Variants in ADCY9 observed in about 807,000 individuals in gnomAD.
ADCY9 encodes the protein adenylate cyclase type 9.
In ADCY9, 50 loss-of-function variants were observed where a neutral mutation model predicts 101.5. The ratio of observed to expected loss-of-function variants is 0.49; its 90% CI spans 0.39 to 0.62. ADCY9 has a LOEUF of 0.62. Ranked by LOEUF, ADCY9 falls within the 20% of genes least tolerant of loss-of-function variation. ADCY9 has a pLI of 0.00. For missense variants in ADCY9, 1,662 were observed against 1,800.4 expected (o/e 0.92, Z 1.39); for synonymous variants, 905 against 769.3 (o/e 1.18, Z -2.92).
intron 2 of ADCY9, among the ~76,000 whole-genome samples, chr16:4,107,784 G>A (rs550114408): frequency 4.3e-4 from 65 of 152,196 alleles, no homozygotes; most frequent in African/African-American, 1.5e-3. Flanking sequence ...AGGGTTAATG[G>A]GGCGCCCAGA....
chr16:4,078,779 T>G (rs2056884317), intron 2 of ADCY9, among the ~76,000 whole-genome samples: 1 of 152,124 alleles, frequency 6.6e-6, no homozygotes. Context: ...GGAGGCATTT[T>G]ACAACATATA....
intron 9 of ADCY9, among the ~76,000 whole-genome samples, chr16:3,975,597 C>T (rs962893783): frequency 2.0e-5 from 3 of 152,140 alleles, no homozygotes; most frequent in Admixed American, 6.5e-5. Flanking sequence ...CGGGGCATTT[C>T]GGAAATGCCA....
rs1046284330 is a variant in ADCY9 at position 3,986,450 on chromosome 16, G to T, written c.2310+2544C>A. On this transcript the variant is annotated intron_variant, in intron 6 of 10. Coordinates refer to ENST00000294016, the MANE Select transcript of ADCY9 (RefSeq NM_001116.4). Reference sequence around the variant, plus strand: ...TCCGAAACTCAGCTGATACATGTTTGTTTTTTTTCTTTTTTTGAGACGGAG... The same window carrying T: ...TCCGAAACTCAGCTGATACATGTTTTTTTTTTTTCTTTTTTTGAGACGGAG... Among the ~76,000 whole-genome samples the T allele has an allele frequency of 4.6e-5, 7 of 151,870 alleles. No homozygotes were observed. In the East Asian group the frequency reaches 5.8e-4, roughly 13 times the overall value.
chr16:4,010,535 C>T (rs567273705), intron 2 of ADCY9, among the ~76,000 whole-genome samples: 2 of 152,344 alleles, frequency 1.3e-5, no homozygotes, highest in South Asian at 2.1e-4. Flanking sequence ...TTATTAAGCA[C>T]TTCCTGTTTA....
At chr16:4,076,664 C>T (rs199966042) in intron 2 of ADCY9, among the ~76,000 whole-genome samples, 6 of 68,638 alleles carry the variant, frequency 8.7e-5, no homozygotes, top group African/African-American at 2.0e-4. Context: ...AGAAGATAGA[C>T]GCACTGACAA....
At chr16:4,042,086 G>A (rs1054235735) in intron 2 of ADCY9, among the ~76,000 whole-genome samples, 1 of 151,940 alleles carries the variant, frequency 6.6e-6, no homozygotes, top group Non-Finnish European at 1.5e-5. Context: ...ACCACTCCTG[G>A]CTAATTTTTG....
intron 2 of ADCY9, among the ~76,000 whole-genome samples, chr16:4,044,971 G>A (rs980648183): frequency 1.1e-4 from 16 of 152,146 alleles, no homozygotes; most frequent in African/African-American, 3.4e-4. Flanking sequence ...GGCTGTGCTG[G>A]CTCGGTATGG....
chr16:4,012,976 G>C (rs2056413700), intron 2 of ADCY9, among the ~76,000 whole-genome samples: 1 of 151,976 alleles, frequency 6.6e-6, no homozygotes, highest in African/African-American at 2.4e-5. Context: ...ACAACAGCGA[G>C]GCACGGGGAT....
At chr16:4,007,135 G>A (rs1291139506) in intron 3 of ADCY9, among the ~76,000 whole-genome samples, 2 of 152,114 alleles carry the variant, frequency 1.3e-5, no homozygotes, top group Non-Finnish European at 2.9e-5. Context: ...CAAATGAGAA[G>A]CATCCTTGTG....
chr16:3,999,712 ACT>A (rs1234628443), intron 3 of ADCY9, among the ~76,000 whole-genome samples: 2 of 151,958 alleles, frequency 1.3e-5, no homozygotes, highest in African/African-American at 4.8e-5. Context: ...CCAAGAGCAA[ACT>A]CTGCATTTTT....
chr16:3,977,683 GC>G (rs1160538156), intron 8 of ADCY9, 53 bp from the exon 9 acceptor site: 7 of 1,566,074 alleles, frequency 4.5e-6, no homozygotes, highest in Non-Finnish European at 6.1e-6. Flanking sequence ...CGCCACCCCT[GC>G]TATACCCGGC....
intron 2 of ADCY9, among the ~76,000 whole-genome samples, chr16:4,034,869 A>G (rs1381462637): frequency 6.6e-6 from 1 of 152,224 alleles, no homozygotes; most frequent in East Asian, 1.9e-4. Flanking sequence ...GCTGGAAGCA[A>G]GACCCTTCTG....
At chr16:4,091,765 C>T (rs975736639) in intron 2 of ADCY9, among the ~76,000 whole-genome samples, 1 of 152,196 alleles carries the variant, frequency 6.6e-6, no homozygotes, top group African/African-American at 2.4e-5. Flanking sequence ...GTAAATCCTG[C>T]AGATGCAAAG....
At chr16:4,087,561 A>AG (rs1390766662) in intron 2 of ADCY9, among the ~76,000 whole-genome samples, 28 of 149,176 alleles carry the variant, frequency 1.9e-4, no homozygotes, top group Admixed American at 1.7e-3. Flanking sequence ...AAAAAAAAAA[A>AG]AAGAAGAACA....
At chr16:4,083,852 G>C (rs1201771820) in intron 2 of ADCY9, among the ~76,000 whole-genome samples, 1 of 152,190 alleles carries the variant, frequency 6.6e-6, no homozygotes, top group Non-Finnish European at 1.5e-5. Context: ...CAGGGGCTGG[G>C]AGCACTGGGG....
At chr16:4,102,490 A>C (rs554472929) in intron 2 of ADCY9, among the ~76,000 whole-genome samples, 1 of 152,272 alleles carries the variant, frequency 6.6e-6, no homozygotes, top group East Asian at 1.9e-4. Flanking sequence ...CAGTGGCATG[A>C]TCTCAGCTCA....
At chr16:3,971,512 C>G (rs759685195) in intron 10 of ADCY9, among the ~76,000 whole-genome samples, 2 of 152,134 alleles carry the variant, frequency 1.3e-5, no homozygotes, top group African/African-American at 2.4e-5. Flanking sequence ...TCGTGAACTG[C>G]TATTGAAACA....
intron 10 of ADCY9, among the ~76,000 whole-genome samples, chr16:3,969,609 T>TATATAC (rs1321798408): frequency 1.7e-4 from 16 of 94,882 alleles, no homozygotes; most frequent in African/African-American, 2.1e-4. Flanking sequence ...TATATATATA[T>TATATAC]GTATTTTTTT....
chr16:4,030,626 C>T (rs991423687), intron 2 of ADCY9, among the ~76,000 whole-genome samples: 2 of 151,952 alleles, frequency 1.3e-5, no homozygotes, highest in African/African-American at 4.8e-5. Context: ...TCACTTGAAC[C>T]TGGGAGGTGG....
Sources: allele counts gnomAD v4.1 joint callset (sites outside exome capture counted in the v4.1 genomes callset), GRCh38; gene constraint gnomAD v4.1.1; transcripts MANE v1.5; gene names NCBI Gene and HGNC (gene_info 2026-07-23, HGNC 2026-07-21).